The following PEX14 variants were observed in gnomAD, a reference collection of about 807,000 sequenced individuals.
PEX14 encodes the protein peroxisomal biogenesis factor 14.
In PEX14, 15 loss-of-function variants were observed where a neutral mutation model predicts 49.5. The ratio of observed to expected loss-of-function variants is 0.30; its 90% CI spans 0.20 to 0.47. The LOEUF is 0.47. PEX14 is among the 20% of genes least tolerant of loss of function. The pLI, the probability that PEX14 is intolerant of heterozygous loss-of-function variation, is 1.00. For synonymous variants in PEX14, 210 were observed against 212.7 expected (o/e 0.99, Z 0.11); for missense variants, 398 against 494.8 (o/e 0.80, Z 1.86).
chr1:10,560,088 A>T (rs143326502), intron 3 of PEX14, among the ~76,000 whole-genome samples: 18 of 148,260 alleles, frequency 1.2e-4, no homozygotes, highest in African/African-American at 4.3e-4. Flanking sequence ...ACGGAGTTTC[A>T]CTTTTGTTGC....
intron 2 of PEX14, among the ~76,000 whole-genome samples, chr1:10,530,453 GGGGCACTTTGGCTCTGC>G (rs897947246): frequency 7.2e-5 from 11 of 152,270 alleles, no homozygotes; most frequent in Non-Finnish European, 1.5e-4. Context: ...CTCCGGCTAG[GGGGCACTTTGGCTCTGC>G]GCTTCTGCCG....
At position 10,541,634 on chromosome 1, in the gene PEX14, C is replaced by G. The variant is rs374648527; in HGVS notation, c.169+5337C>G. On this transcript the variant is annotated intron_variant, in intron 3 of 8. Coordinates refer to ENST00000356607, the MANE Select transcript of PEX14 (RefSeq NM_004565.3). ...TGAACGGACCGTCTTCCTTCCCTGCCAGTCTTGCACCTGCATATTCGTCAC... is the reference window on the plus strand; with the variant it reads ...TGAACGGACCGTCTTCCTTCCCTGCGAGTCTTGCACCTGCATATTCGTCAC... 7.2e-5 allele frequency among the ~76,000 whole-genome samples: 11 copies of G among 152,238 alleles called. No homozygotes were observed. In the East Asian group the frequency reaches 2.1e-3, roughly 29 times the overall value.
chr1:10,557,821 A>G (rs2124522997), intron 3 of PEX14, among the ~76,000 whole-genome samples: 1 of 142,842 alleles, frequency 7.0e-6, no homozygotes, highest in Non-Finnish European at 1.5e-5. Context: ...AGGGCATAGA[A>G]CTATTTGCCT....
At chr1:10,489,907 T>C (rs1641441392) in intron 1 of PEX14, among the ~76,000 whole-genome samples, 1 of 152,236 alleles carries the variant, frequency 6.6e-6, no homozygotes, top group South Asian at 2.1e-4. Flanking sequence ...TGCTGTCCAA[T>C]GTGTACACAC....
chr1:10,621,444 T>A (rs753007891), intron 5 of PEX14, among the ~76,000 whole-genome samples: 1 of 151,516 alleles, frequency 6.6e-6, no homozygotes, highest in Non-Finnish European at 1.5e-5. Flanking sequence ...CCTCCCGGGT[T>A]CAAGCGATTC....
At chr1:10,481,397 C>T (rs1244137254) in intron 1 of PEX14, among the ~76,000 whole-genome samples, 2 of 152,034 alleles carry the variant, frequency 1.3e-5, no homozygotes, top group African/African-American at 2.4e-5. Context: ...ACCTCGGCCT[C>T]CCACAGTGCT....
intron 2 of PEX14, among the ~76,000 whole-genome samples, chr1:10,515,045 G>A (rs1641947191): frequency 6.6e-6 from 1 of 152,176 alleles, no homozygotes; most frequent in Non-Finnish European, 1.5e-5. Flanking sequence ...GCTGCTGCCT[G>A]GTCACAGAAG....
At chr1:10,603,250 C>T (rs904075743) in intron 4 of PEX14, among the ~76,000 whole-genome samples, 8 of 152,112 alleles carry the variant, frequency 5.3e-5, no homozygotes, top group Middle Eastern at 3.2e-3. Context: ...CTATATCATG[C>T]GAGAGATCCA....
chr1:10,507,753 A>G (rs981287439), intron 2 of PEX14, among the ~76,000 whole-genome samples: 1 of 152,214 alleles, frequency 6.6e-6, no homozygotes, highest in African/African-American at 2.4e-5. Context: ...GCATAAGTAA[A>G]GAAAATACAA....
rs146780946 is a variant in PEX14, at chr1:10,554,757, A to G, written c.169+18460A>G. Among the ~76,000 whole-genome samples the G allele has an allele frequency of 5.0e-3, 752 of 151,430 alleles. 8 individuals are homozygous for G. Among genetic ancestry groups the G allele is most frequent in the African/African-American group, 0.017 (702 of 41,244 alleles). On this transcript the variant is annotated intron_variant, in intron 3 of 8. Transcript: ENST00000356607. ...AAGACAGAGCCTCACACTGTCACCC[A>G]GGCTGGAATACAGTGGCGCGATCTT...
intron 1 of PEX14, among the ~76,000 whole-genome samples, chr1:10,487,717 TTG>T (rs1641396371): frequency 6.6e-6 from 1 of 151,976 alleles, no homozygotes; most frequent in Non-Finnish European, 1.5e-5. Flanking sequence ...TCTCTTGACC[TTG>T]TGATCTGCCC....
chr1:10,599,142 C>G (rs1419134204), intron 3 of PEX14, 96 bp from the exon 4 acceptor site: 2 of 1,275,176 alleles, frequency 1.6e-6, no homozygotes, highest in African/African-American at 1.5e-5. Flanking sequence ...GCGAGGCATT[C>G]TGTGGCTGTA....
At chr1:10,525,122 G>A (rs1034720221) in intron 2 of PEX14, among the ~76,000 whole-genome samples, 4 of 152,218 alleles carry the variant, frequency 2.6e-5, no homozygotes, top group African/African-American at 9.6e-5. Context: ...GGTTCTTCTT[G>A]TGTGTGATGG....
At position 10,623,084 on chromosome 1, in the gene PEX14, C is replaced by G; in HGVS notation, c.450C>G (p.Ala150=). ...EDRKQLERME[A]GLSELSGSVA... The stretch of plus-strand genomic sequence containing the variant: ...GAAAGCAGCTGGAGAGGATGGAGGC[C>G]GGTCTCTCTGAGCTGAGTGGCAGCG... Residue 150 remains alanine, a synonymous_variant, in exon 6 of 9, where the codon GCC becomes GCG. Coordinates refer to ENST00000356607, the MANE Select transcript of PEX14 (RefSeq NM_004565.3). This position sits in a 1 kb window ranked among gnomAD's most constrained non-coding sequence, Gnocchi z 4.4. 6.2e-7 allele frequency: 1 copy of G among 1,613,836 alleles called. No homozygotes were observed. The highest frequency in any genetic ancestry group is 8.5e-7 in the Non-Finnish European group (1 of 1,179,916).
chr1:10,502,206 A>C (rs546400159), intron 2 of PEX14, among the ~76,000 whole-genome samples: 1 of 152,194 alleles, frequency 6.6e-6, no homozygotes, highest in Non-Finnish European at 1.5e-5. Context: ...GGTATCAGTG[A>C]AGAAAACGTT....
chr1:10,580,509 G>A (rs971587104), intron 3 of PEX14, among the ~76,000 whole-genome samples: 1 of 152,064 alleles, frequency 6.6e-6, no homozygotes, highest in Non-Finnish European at 1.5e-5. Flanking sequence ...ACAGGCGTGA[G>A]CCACTGCACC....
chr1:10,537,285 G>T (rs1638835722), intron 3 of PEX14, among the ~76,000 whole-genome samples: 1 of 137,842 alleles, frequency 7.3e-6, no homozygotes, highest in Non-Finnish European at 1.5e-5. Context: ...CTGGGTCCCT[G>T]CGACAGAGTT....
rs1353648453 is a variant in PEX14 at position 10,597,374 on chromosome 1, C to T, written c.170-1864C>T. Among the ~76,000 whole-genome samples the T allele has an allele frequency of 5.3e-5, 8 of 152,182 alleles. No homozygotes were observed. Among genetic ancestry groups the T allele is most frequent in the Admixed American group, 5.2e-4 (8 of 15,278 alleles). On this transcript the variant is annotated intron_variant, in intron 3 of 8. Coordinates refer to ENST00000356607, the MANE Select transcript of PEX14 (RefSeq NM_004565.3). This position sits in a 1 kb window ranked among gnomAD's most constrained non-coding sequence, Gnocchi z 5.7. The stretch of plus-strand genomic sequence containing the variant: ...CCACCAGGGCTCCGAAAGGGGTTCC[C>T]CTTCCTGTTTAGTCGGAGCGATCGG...
intron 3 of PEX14, among the ~76,000 whole-genome samples, chr1:10,595,193 A>G (rs571310983): frequency 1.4e-4 from 21 of 152,288 alleles, no homozygotes; most frequent in African/African-American, 4.6e-4. Flanking sequence ...GGCACATGGA[A>G]TCTTCATTCA....
Sources: gnomAD v4.1 joint callset for allele counts (sites outside exome capture counted in the v4.1 genomes callset) on GRCh38, gnomAD v4.1.1 for gene constraint, Gnocchi (gnomAD v3.1) non-coding constraint, MANE v1.5 for transcripts, NCBI Gene and HGNC (gene_info 2026-07-23, HGNC 2026-07-21) for gene names.